Variants in AP1S2 observed in about 807,000 individuals in gnomAD.
AP1S2 encodes AP-1 complex subunit sigma-2.
Under a neutral mutation model 14.3 loss-of-function variants are expected in AP1S2, and 1 was observed. That is an observed-to-expected ratio of 0.07 (90% confidence interval 0.02 to 0.33). The LOEUF is 0.33. Ranked by LOEUF, AP1S2 falls within the 10% of genes least tolerant of loss-of-function variation. The probability of loss-of-function intolerance (pLI) is 0.99; values close to 1 mark genes in which losing one functional copy is unlikely to be tolerated. For synonymous variants in AP1S2, 30 were observed against 40.5 expected, an observed-to-expected ratio of 0.74 and a Z score of 0.99; for missense variants, 30 against 117.7, an observed-to-expected ratio of 0.25 and a Z score of 3.45.
chrX:15,840,416 T>C lies in AP1S2; in HGVS notation c.426+4963A>G, dbSNP rs750988637. 8.5e-5 allele frequency: 42 copies of C among 493,963 alleles called. No homozygotes were observed. The African/African-American group carries it at 9.6e-4, about 11-fold the overall frequency. The allele number at this position is 493,963 out of a possible 1,213,427, so 40.7% of individuals were successfully genotyped here. On this transcript the variant is annotated intron_variant, in intron 4 of 5. Transcript: ENST00000672987. Reference sequence around the variant, plus strand: ...GATCTTCACGGATCAAGCAAGGACTTAGAAATCATCTCACGTGCAACAGTA... The same window carrying C: ...GATCTTCACGGATCAAGCAAGGACTCAGAAATCATCTCACGTGCAACAGTA...
At chrX:15,833,145 C>T (rs2147300513) in intron 4 of AP1S2, 1 of 980,876 alleles carries the variant, frequency 1.0e-6, no homozygotes, top group African/African-American at 2.0e-5. Flanking sequence ...TTTTTCTTTT[C>T]TCTCTTAATT....
In AP1S2 at chrX:15,834,465, TATATATATATATATAA is replaced by T. The variant is rs1434735061; in HGVS notation, c.427-6281_427-6266del. 1.6e-3 allele frequency among the ~76,000 whole-genome samples: 53 copies of T among 33,417 alleles called. 3 individuals are homozygous for T. The highest frequency in any genetic ancestry group is 6.7e-3 in the African/African-American group (44 of 6,604). The allele number at this position is 33,417 out of a possible 115,157, so 29.0% of individuals were successfully genotyped here. On this transcript the variant is annotated intron_variant, in intron 4 of 5. Transcript: ENST00000672987. ...ATATATATATATATATATATATATATATATATATATATATAATTTTTTTTTTTTGAGACAGAGTCTT... is the reference window on the plus strand; with the variant it reads ...ATATATATATATATATATATATATATTTTTTTTTTTTTGAGACAGAGTCTT...
intron 4 of AP1S2, chrX:15,832,058 T>G (rs1030228187): frequency 1.5e-4 from 112 of 747,574 alleles, no homozygotes; most frequent in Non-Finnish European, 1.7e-4. Flanking sequence ...ACCGTTTACT[T>G]ATACCTACAA....
intron 4 of AP1S2, among the ~76,000 whole-genome samples, chrX:15,839,216 G>T (rs185145573): frequency 1.4e-3 from 159 of 111,729 alleles, no homozygotes; most frequent in African/African-American, 5.0e-3. Context: ...AAGTACGCTG[G>T]CAATAAAAGA....
chrX:15,852,650 T>C, intron 1 of AP1S2, 126 bp from the exon 2 acceptor site: 1 of 703,964 alleles, frequency 1.4e-6, no homozygotes, highest in Non-Finnish European at 2.1e-6. Flanking sequence ...TAGCCATCAA[T>C]ATTTCTATGC....
At chrX:15,834,086 ATTC>A (rs1303417441) in intron 4 of AP1S2, among the ~76,000 whole-genome samples, 1 of 110,258 alleles carries the variant, frequency 9.1e-6, no homozygotes, top group Admixed American at 9.7e-5. Context: ...CTGGAGACCT[ATTC>A]TTTGAATAAG....
intron 2 of AP1S2, 83 bp from the exon 3 acceptor site, chrX:15,846,094 G>T: frequency 2.8e-6 from 2 of 726,199 alleles, no homozygotes; most frequent in Non-Finnish European, 4.4e-6. Context: ...ATTATGAAAA[G>T]CCCCAAGTTT....
intron 4 of AP1S2, among the ~76,000 whole-genome samples, chrX:15,837,319 T>C (rs1039608443): frequency 4.5e-5 from 5 of 112,035 alleles, no homozygotes; most frequent in Non-Finnish European, 7.5e-5. Context: ...ATTCTGGTCA[T>C]TTGAACTATT....
At chrX:15,834,515 G>A (rs1418128435) in intron 4 of AP1S2, among the ~76,000 whole-genome samples, 1 of 74,880 alleles carries the variant, frequency 1.3e-5, no homozygotes, top group African/African-American at 5.0e-5. Context: ...TTGCTCTGTC[G>A]CCCAGGCTAG....
intron 4 of AP1S2, among the ~76,000 whole-genome samples, chrX:15,844,171 C>T (rs1026206416): frequency 8.9e-6 from 1 of 112,646 alleles, no homozygotes. Flanking sequence ...CAGTCAGTGA[C>T]TGATGCAGTG....
At chrX:15,849,274 A>C (rs1384373218) in intron 2 of AP1S2, among the ~76,000 whole-genome samples, 1 of 112,749 alleles carries the variant, frequency 8.9e-6, no homozygotes, top group Non-Finnish European at 1.9e-5. Flanking sequence ...TGTAGATGAG[A>C]TAATTTAACA....
chrX:15,835,176 A>G (rs1933593470), intron 4 of AP1S2, among the ~76,000 whole-genome samples: 1 of 112,622 alleles, frequency 8.9e-6, no homozygotes, highest in Admixed American at 9.4e-5. Context: ...TCTTTCTAGT[A>G]GTACAATGTG....
At chrX:15,849,561 CA>C (rs1197910156) in intron 2 of AP1S2, among the ~76,000 whole-genome samples, 3 of 111,708 alleles carry the variant, frequency 2.7e-5, no homozygotes, top group Non-Finnish European at 5.6e-5. Context: ...TTTTAAAGTC[CA>C]CCTTTTATTT....
chrX:15,829,318 G>T (rs762733561), intron 4 of AP1S2, among the ~76,000 whole-genome samples: 1 of 111,761 alleles, frequency 8.9e-6, no homozygotes, highest in African/African-American at 3.2e-5. Context: ...AAATATTCAA[G>T]AAAAATTTAA....
intron 2 of AP1S2, among the ~76,000 whole-genome samples, chrX:15,849,139 C>G (rs180674230): frequency 8.9e-6 from 1 of 111,962 alleles, no homozygotes; most frequent in Admixed American, 9.4e-5. Flanking sequence ...AACTAGCTAA[C>G]GTTACAAAGG....
At chrX:15,844,562 T>C (rs772219283) in intron 4 of AP1S2, among the ~76,000 whole-genome samples, 8 of 112,890 alleles carry the variant, frequency 7.1e-5, no homozygotes, top group Admixed American at 2.8e-4. Flanking sequence ...GCTTTCCATA[T>C]GATAAAAATC....
intron 4 of AP1S2, among the ~76,000 whole-genome samples, chrX:15,838,218 C>T (rs1933712600): frequency 9.0e-6 from 1 of 110,838 alleles, no homozygotes; most frequent in East Asian, 2.8e-4. Context: ...GCACTGCACC[C>T]CCAATTGTGA....
At chrX:15,835,373 A>G (rs1933600369) in intron 4 of AP1S2, among the ~76,000 whole-genome samples, 1 of 111,634 alleles carries the variant, frequency 9.0e-6, no homozygotes, top group African/African-American at 3.3e-5. Flanking sequence ...ATCAAATTCT[A>G]TGGCAAAGGA....
intron 3 of AP1S2, 74 bp from the exon 4 acceptor site, chrX:15,845,590 AC>A: frequency 8.8e-7 from 1 of 1,139,584 alleles, no homozygotes; most frequent in Non-Finnish European, 1.2e-6. Context: ...ATGCTTATTC[AC>A]TATCAGGTAG....
Sources: gnomAD v4.1 joint callset for allele counts (sites outside exome capture counted in the v4.1 genomes callset) on GRCh38, gnomAD v4.1.1 for gene constraint, MANE v1.5 for transcripts, NCBI Gene and HGNC (gene_info 2026-07-23, HGNC 2026-07-21) for gene names.